The following CBX6 variants were observed in gnomAD, a reference collection of about 807,000 sequenced individuals.
The protein encoded by CBX6 is chromobox 6, also known as chromobox protein homolog 6.
In CBX6, 7 loss-of-function variants were observed where a neutral mutation model predicts 28.4. The ratio of observed to expected loss-of-function variants is 0.25; its 90% CI spans 0.14 to 0.46. The LOEUF (loss-of-function observed/expected upper bound fraction) is 0.46. CBX6 is among the 20% of genes least tolerant of loss of function. The pLI, the probability that CBX6 is intolerant of heterozygous loss-of-function variation, is 0.99. For synonymous variants in CBX6, 297 were observed against 273.4 expected (o/e 1.09, Z -0.85); for missense variants, 512 against 606.1 (o/e 0.84, Z 1.63).
rs928014901 is a variant in CBX6, at chr22:38,867,198, G to A, written c.250C>T (p.Arg84Trp). ...PKPKTFLLKA[R>W]AQAEALRISD... is the part of the protein sequence containing the mutation. ...ATGCGGAGGGCCTCGGCCTGGGCCC[G>A]CGCCTGCGGGCAGAGGGAGGGGTGG... The change falls in exon 5 of 5, where the codon CGG (arginine) becomes TGG (tryptophan). Residue 84 changes from arginine (R) to tryptophan (W), a missense_variant. Arg to Trp is a moderately radical substitution (Grantham distance 101). Around this residue, in one of 7 missense-constraint regions of CBX6, gnomAD observed 123 missense variants for 138.1 expected, o/e 0.89. Coordinates refer to ENST00000407418, the MANE Select transcript of CBX6 (RefSeq NM_014292.5). The A allele has an allele frequency of 6.6e-7, 1 of 1,511,574 alleles. No homozygotes were observed. Among genetic ancestry groups the A allele is most frequent in the Non-Finnish European group, 8.9e-7 (1 of 1,127,484 alleles). 93.6% of individuals were successfully genotyped at this position (1,511,574 alleles called of 1,614,324 possible).
chr22:38,867,917 G>T (rs1391119785), intron 4 of CBX6, among the ~76,000 whole-genome samples: 1 of 152,208 alleles, frequency 6.6e-6, no homozygotes, highest in Non-Finnish European at 1.5e-5. Flanking sequence ...AGTTTGGTGG[G>T]GACAGGCCTA....
At chr22:38,867,228 G>GGGTGGGGGGGGGGGGC in intron 4 of CBX6, 27 bp from the exon 5 acceptor site, 1 of 518,866 alleles carries the variant, frequency 1.9e-6, no homozygotes, top group Non-Finnish European at 3.6e-6. Context: ...GGGTGGGTGG[G>GGGTGGGGGGGGGGGGC]ACCTCAGGAC....
Position 38,866,484 on chromosome 22 carries a change from C to T in CBX6, c.964G>A (p.Ala322Thr). ...GGCGGTGCCCGCTTGCTGGTGGCTG[C>T]CGACTCGGGAGGGAGGGACAGGTCG... Reference protein sequence around the residue: ...VLDLSLPPESAATSKRAPPEV... With the variant: ...VLDLSLPPESTATSKRAPPEV... Residue 322 changes from alanine to threonine, a missense_variant, in exon 5 of 5, where the codon GCA becomes ACA. This residue lies in a region of CBX6 where 290 missense variants were observed against 274.1 expected (regional missense o/e 1.06). Transcript: ENST00000407418. This position sits in a 1 kb window ranked among gnomAD's most constrained non-coding sequence, Gnocchi z 7.5. The T allele has an allele frequency of 6.3e-7, 1 of 1,596,802 alleles. No individual in the cohort carries two copies. Among genetic ancestry groups the T allele is most frequent in the Admixed American group, 1.7e-5 (1 of 58,426 alleles).
chr22:38,872,174 A>G lies in CBX6; in HGVS notation c.17T>C (p.Val6Ala), dbSNP rs1449395547. MELSA[V>A]GERVFAAESI... The stretch of plus-strand genomic sequence containing the variant: ...TTCGGCCGCGAAGACCCGCTCGCCC[A>G]CTGCAGACAGCTCCATCTTGCTCAG... Residue 6 changes from valine (V) to alanine (A), a missense_variant, in exon 1 of 5, where the codon GTG becomes GCG. By Grantham distance (64) the Val-to-Ala change is moderately conservative. Coordinates refer to ENST00000407418, the MANE Select transcript of CBX6 (RefSeq NM_014292.5). This position sits in a 1 kb window ranked among gnomAD's most constrained non-coding sequence, Gnocchi z 5.0. 1.4e-6 allele frequency: 2 copies of G among 1,416,412 alleles called. No homozygotes were observed. The highest frequency in any genetic ancestry group is 1.9e-6 in the Non-Finnish European group (2 of 1,067,782). The allele number at this position is 1,416,412 out of a possible 1,614,324, so 87.7% of individuals were successfully genotyped here. A position where few individuals can be genotyped will look rare whatever the true frequency, so the allele number is the denominator to read the frequency against.
At position 38,866,164 on chromosome 22, in the gene CBX6, C is replaced by G; in HGVS notation, c.*45G>C. 1 of 1,373,230 alleles carries G rather than the reference C, an allele frequency of 7.3e-7. No homozygotes were observed. Among genetic ancestry groups the G allele is most frequent in the Non-Finnish European group, 1.0e-6 (1 of 994,480 alleles). 85.1% of individuals were successfully genotyped at this position (1,373,230 alleles called of 1,614,324 possible). ...TGGGGTGGGAGCAAGAGTATGACTT[C>G]GGGCAGGAGGGCCCCCCCAAGCCCC... On this transcript the variant is annotated 3_prime_UTR_variant, in exon 5 of 5. Coordinates refer to ENST00000407418, the MANE Select transcript of CBX6 (RefSeq NM_014292.5). This position sits in a 1 kb window ranked among gnomAD's most constrained non-coding sequence, Gnocchi z 7.5.
chr22:38,866,757 C>T lies in CBX6; in HGVS notation c.691G>A (p.Ala231Thr), dbSNP rs779174067. The T allele has an allele frequency of 3.7e-6, 6 of 1,610,664 alleles. No individual in the cohort carries two copies. Among genetic ancestry groups the T allele is most frequent in the East Asian group, 2.2e-5 (1 of 44,764 alleles). The change falls in exon 5 of 5, where the codon GCC becomes ACC. Residue 231 changes from alanine (A) to threonine (T), a missense_variant. By Grantham distance (58) the Ala-to-Thr change is moderately conservative. Around this residue, in one of 7 missense-constraint regions of CBX6, gnomAD observed 290 missense variants for 274.1 expected, o/e 1.06. Coordinates refer to ENST00000407418, the MANE Select transcript of CBX6 (RefSeq NM_014292.5). This position sits in a 1 kb window ranked among gnomAD's most constrained non-coding sequence, Gnocchi z 7.5. Reference sequence around the variant, plus strand: ...GGCGGAGGCTTGTACAGCGCAAAGGCGCCGAACTTCATGTGGCGGATCTGT... The same window carrying T: ...GGCGGAGGCTTGTACAGCGCAAAGGTGCCGAACTTCATGTGGCGGATCTGT... ...RTQIRHMKFG[A>T]FALYKPPPAP...
Position 38,866,189 on chromosome 22 carries a change from C to T in CBX6, c.*20G>A. Reference sequence around the variant, plus strand: ...CGGGCAGGAGGGCCCCCCCAAGCCCCCCTCCTTGGTGGAGCCCCCTCACTT... The same window carrying T: ...CGGGCAGGAGGGCCCCCCCAAGCCCTCCTCCTTGGTGGAGCCCCCTCACTT... On this transcript the variant is annotated 3_prime_UTR_variant, in exon 5 of 5. Coordinates refer to ENST00000407418, the MANE Select transcript of CBX6 (RefSeq NM_014292.5). This position sits in a 1 kb window ranked among gnomAD's most constrained non-coding sequence, Gnocchi z 7.5. The T allele has an allele frequency of 6.5e-7, 1 of 1,549,176 alleles. No homozygotes were observed. The highest frequency in any genetic ancestry group is 8.8e-7 in the Non-Finnish European group (1 of 1,135,398).
chr22:38,871,550 C>T lies in CBX6; in HGVS notation c.180-4G>A, dbSNP rs2093182362. The T allele has an allele frequency of 1.2e-6, 2 of 1,613,748 alleles. No individual in the cohort carries two copies. The highest frequency in any genetic ancestry group is 1.7e-6 in the Non-Finnish European group (2 of 1,179,846). ...ATACAGCTCACGCTCCCTCTCCCTG[C>T]GGCCGAAAAACACCAGAGGTTAAAA... On this transcript the variant is annotated splice_region_variant and splice_polypyrimidine_tract_variant and intron_variant, in intron 3 of 4. Coordinates refer to ENST00000407418, the MANE Select transcript of CBX6 (RefSeq NM_014292.5). This position sits in a 1 kb window ranked among gnomAD's most constrained non-coding sequence, Gnocchi z 5.6.
Position 38,866,903 on chromosome 22 carries a change from TCGATCA to T in CBX6, c.539_544del (p.Val180_Ile181del). ...GGCGCCCCCGCCGCCAGCGCCCTTG[TCGATCA>T]CCTTCAGGTTCAGGATGATGCGGTT... On this transcript the variant is annotated inframe_deletion, in exon 5 of 5. Transcript: ENST00000407418. This position sits in a 1 kb window ranked among gnomAD's most constrained non-coding sequence, Gnocchi z 7.5. The T allele has an allele frequency of 6.3e-7, 1 of 1,598,466 alleles. No individual in the cohort carries two copies. Among genetic ancestry groups the T allele is most frequent in the Non-Finnish European group, 8.5e-7 (1 of 1,173,866 alleles).
At chr22:38,869,414 G>A (rs567720771) in intron 4 of CBX6, among the ~76,000 whole-genome samples, 1 of 152,264 alleles carries the variant, frequency 6.6e-6, no homozygotes, top group East Asian at 1.9e-4. Context: ...TGATCAGAGA[G>A]TACATGGCAC....
Position 38,866,964 on chromosome 22 carries a change from G to A in CBX6, c.484C>T (p.Arg162Cys). ...PFSETVRIIN[R>C]KVKPREPKRN... is the part of the protein sequence containing the mutation. Reference sequence around the variant, plus strand: ...TTGGGCTCCCGCGGCTTCACCTTGCGGTTGATGATGCGCACCGTCTCCGAG... The same window carrying A: ...TTGGGCTCCCGCGGCTTCACCTTGCAGTTGATGATGCGCACCGTCTCCGAG... Residue 162 changes from arginine to cysteine, a missense_variant, in exon 5 of 5, where the codon CGC becomes TGC. This residue lies in a region of CBX6 where 123 missense variants were observed against 138.1 expected (regional missense o/e 0.89). Coordinates refer to ENST00000407418, the MANE Select transcript of CBX6 (RefSeq NM_014292.5). The surrounding 1 kb of genome is among the most constrained non-coding windows in gnomAD (Gnocchi z 7.5). 1.2e-6 allele frequency: 2 copies of A among 1,609,304 alleles called. No homozygotes were observed. Among genetic ancestry groups the A allele is most frequent in the Non-Finnish European group, 1.7e-6 (2 of 1,178,484 alleles).
Position 38,871,609 on chromosome 22 carries a change from C to G in CBX6, c.180-63G>C. The G allele has an allele frequency of 6.2e-7, 1 of 1,611,074 alleles. No homozygotes were observed. The highest frequency in any genetic ancestry group is 8.5e-7 in the Non-Finnish European group (1 of 1,178,004). On this transcript the variant is annotated intron_variant, in intron 3 of 4. Coordinates refer to ENST00000407418, the MANE Select transcript of CBX6 (RefSeq NM_014292.5). This position sits in a 1 kb window ranked among gnomAD's most constrained non-coding sequence, Gnocchi z 5.6. ...TTCCCGGGCCCCACTCCGCGCTGCC[C>G]TCCCCGGCTCTCCCGCTTCCCCGCG...
chr22:38,869,144 T>A (rs992783052), intron 4 of CBX6, among the ~76,000 whole-genome samples: 7 of 152,176 alleles, frequency 4.6e-5, no homozygotes, highest in Non-Finnish European at 8.8e-5. Flanking sequence ...AAGCCCAGGC[T>A]TTTTTGGCGT....
chr22:38,863,324 T>C lies in CBX6; in HGVS notation c.*2885A>G, dbSNP rs1421249694. Reference sequence around the variant, plus strand: ...GGCGCACTTAAGGGGAGATGACGGATGCCCCAACCAATATTGAACGTAGGA... The same window carrying C: ...GGCGCACTTAAGGGGAGATGACGGACGCCCCAACCAATATTGAACGTAGGA... On this transcript the variant is annotated 3_prime_UTR_variant, in exon 5 of 5. Coordinates refer to ENST00000407418, the MANE Select transcript of CBX6 (RefSeq NM_014292.5). 1 of 152,134 alleles carries C rather than the reference T, an allele frequency of 6.6e-6. No homozygotes were observed. 9.4% of individuals were successfully genotyped at this position (152,134 alleles called of 1,614,324 possible).
Position 38,871,356 on chromosome 22 carries a change from G to A in CBX6, c.246+124C>T, listed in dbSNP as rs1170396002. On this transcript the variant is annotated intron_variant, in intron 4 of 4. Transcript: ENST00000407418. The surrounding 1 kb of genome is among the most constrained non-coding windows in gnomAD (Gnocchi z 5.6). ...GCTCACAACCACCCCCTGCCCAGCTGGGGCCCCTCTGAAAAGGCCGGCCCG... is the reference window on the plus strand; with the variant it reads ...GCTCACAACCACCCCCTGCCCAGCTAGGGCCCCTCTGAAAAGGCCGGCCCG... The A allele has an allele frequency of 2.2e-6, 2 of 929,312 alleles. No individual in the cohort carries two copies. The highest frequency in any genetic ancestry group is 3.3e-5 in the African/African-American group (2 of 60,228). The allele number at this position is 929,312 out of a possible 1,614,324, so 57.6% of individuals were successfully genotyped here.
At position 38,871,589 on chromosome 22, in the gene CBX6, G is replaced by A; in HGVS notation, c.180-43C>T. On this transcript the variant is annotated intron_variant, in intron 3 of 4. Transcript: ENST00000407418. This position sits in a 1 kb window ranked among gnomAD's most constrained non-coding sequence, Gnocchi z 5.6. ...CAGAGGTTAAAAAGAGCCCCTTCCC[G>A]GGCCCCACTCCGCGCTGCCCTCCCC... The A allele has an allele frequency of 6.2e-7, 1 of 1,612,664 alleles. No individual in the cohort carries two copies. The highest frequency in any genetic ancestry group is 8.5e-7 in the Non-Finnish European group (1 of 1,179,080).
At chr22:38,869,894 A>C (rs1264151767) in intron 4 of CBX6, 4 of 152,162 alleles carry the variant, frequency 2.6e-5, no homozygotes, top group Non-Finnish European at 5.9e-5. Context: ...GAAAGCGCTG[A>C]GTGTAATTTG....
chr22:38,872,055 G>T lies in CBX6; in HGVS notation c.69+67C>A. Reference sequence around the variant, plus strand: ...GGAGCCGGGCTAGCGGGACCGCTTCGCCCCGAGGGCCCCCGGCCCCGGCCC... The same window carrying T: ...GGAGCCGGGCTAGCGGGACCGCTTCTCCCCGAGGGCCCCCGGCCCCGGCCC... On this transcript the variant is annotated intron_variant, in intron 1 of 4. Transcript: ENST00000407418. The surrounding 1 kb of genome is among the most constrained non-coding windows in gnomAD (Gnocchi z 5.0). The T allele has an allele frequency of 9.3e-6, 12 of 1,289,502 alleles. No individual in the cohort carries two copies. Among genetic ancestry groups the T allele is most frequent in the Non-Finnish European group, 1.2e-5 (12 of 1,009,656 alleles). The allele number at this position is 1,289,502 out of a possible 1,614,324, so 79.9% of individuals were successfully genotyped here. A position where few individuals can be genotyped will look rare whatever the true frequency, so the allele number is the denominator to read the frequency against.
In CBX6 at chr22:38,866,782, T is replaced by C. The variant is rs762424363; in HGVS notation, c.666A>G (p.Thr222=). The C allele has an allele frequency of 1.7e-5, 27 of 1,612,204 alleles. No individual in the cohort carries two copies. Among genetic ancestry groups the C allele is most frequent in the Middle Eastern group, 1.6e-4 (1 of 6,080 alleles). The change falls in exon 5 of 5, where the codon ACA becomes ACG. Residue 222 remains threonine, a synonymous_variant. Coordinates refer to ENST00000407418, the MANE Select transcript of CBX6 (RefSeq NM_014292.5). This position sits in a 1 kb window ranked among gnomAD's most constrained non-coding sequence, Gnocchi z 7.5. ...CGCCGAACTTCATGTGGCGGATCTG[T>C]GTACGCAGGACGCTCTCGCTGAACT... is the stretch of plus-strand genomic sequence containing the variant. ...SKKFSESVLR[T]QIRHMKFGAF...
Sources: allele counts gnomAD v4.1 joint callset (sites outside exome capture counted in the v4.1 genomes callset), GRCh38; gene constraint gnomAD v4.1.1; regional missense constraint gnomAD v4.1.1; non-coding constraint Gnocchi (gnomAD v3.1); transcripts MANE v1.5; gene names NCBI Gene and HGNC (gene_info 2026-07-23, HGNC 2026-07-21).